The following SOBP variants were observed in gnomAD, a reference collection of about 807,000 sequenced individuals.
The protein encoded by SOBP is sine oculis-binding protein homolog.
SOBP carries 4 observed loss-of-function variants against 53.6 expected under a neutral mutation model. The ratio of observed to expected loss-of-function variants is 0.07; its 90% confidence interval spans 0.04 to 0.17. The LOEUF is 0.17. Among genes scored for constraint, SOBP ranks in the 10% least tolerant of loss-of-function variants. The pLI is 1.00. For missense variants in SOBP, 1,088 were observed against 1,204.7 expected (o/e 0.90, Z 1.43); for synonymous variants, 584 against 522.6 (o/e 1.12, Z -1.60).
At chr6:107,638,791 T>A (rs1771178595) in intron 6 of SOBP, among the ~76,000 whole-genome samples, 1 of 152,138 alleles carries the variant, frequency 6.6e-6, no homozygotes, top group Non-Finnish European at 1.5e-5. Context: ...TTCTCATATA[T>A]ATTCATTATA....
intron 3 of SOBP, among the ~76,000 whole-genome samples, chr6:107,528,292 C>T (rs1414632752): frequency 6.6e-6 from 1 of 152,100 alleles, no homozygotes; most frequent in Non-Finnish European, 1.5e-5. Flanking sequence ...TTTTTTGAAG[C>T]TAGGATATTC....
At chr6:107,596,880 G>A (rs1425008279) in intron 5 of SOBP, among the ~76,000 whole-genome samples, 2 of 152,148 alleles carry the variant, frequency 1.3e-5, no homozygotes, top group African/African-American at 4.8e-5. Context: ...ACCTACAGAA[G>A]AGACAAAGTA....
chr6:107,532,255 A>ACACACACACACACACACAC (rs1783848333), intron 3 of SOBP, among the ~76,000 whole-genome samples: 1 of 150,690 alleles, frequency 6.6e-6, no homozygotes, highest in East Asian at 1.9e-4. Flanking sequence ...ACACACACAC[A>ACACACACACACACACACAC]CACACACACA....
chr6:107,577,691 G>A (rs1562627961), intron 4 of SOBP, among the ~76,000 whole-genome samples: 1 of 152,206 alleles, frequency 6.6e-6, no homozygotes. Flanking sequence ...AGAACTGAGT[G>A]AGTTTGGTAG....
At chr6:107,645,981 C>G (rs1184961600) in intron 6 of SOBP, among the ~76,000 whole-genome samples, 4 of 152,192 alleles carry the variant, frequency 2.6e-5, no homozygotes, top group South Asian at 2.1e-4. Flanking sequence ...GGTGGTAGAA[C>G]AGGAGTTTGG....
chr6:107,615,173 G>A (rs1786740811), intron 5 of SOBP, among the ~76,000 whole-genome samples: 1 of 152,198 alleles, frequency 6.6e-6, no homozygotes, highest in Admixed American at 6.5e-5. Flanking sequence ...ACATTAGTGA[G>A]GTTTGAGGAT....
chr6:107,612,287 G>C (rs751383319), intron 5 of SOBP, among the ~76,000 whole-genome samples: 1 of 152,202 alleles, frequency 6.6e-6, no homozygotes, highest in Non-Finnish European at 1.5e-5. Flanking sequence ...ATAGCTTCAG[G>C]TCAGTCTGAG....
At chr6:107,555,318 C>A (rs1784577885) in intron 4 of SOBP, among the ~76,000 whole-genome samples, 1 of 152,118 alleles carries the variant, frequency 6.6e-6, no homozygotes, top group African/African-American at 2.4e-5. Flanking sequence ...ATAGAAGAGT[C>A]GCCTTAATTC....
intron 5 of SOBP, among the ~76,000 whole-genome samples, chr6:107,617,972 C>T (rs1225907410): frequency 1.3e-5 from 2 of 151,760 alleles, no homozygotes; most frequent in East Asian, 3.9e-4. Flanking sequence ...GGACTACAGG[C>T]ACCCGCCACC....
Position 107,490,708 on chromosome 6 carries a change from T to C in SOBP, c.92T>C (p.Met31Thr). The change falls in exon 1 of 7, where the codon ATG (methionine) becomes ACG (threonine). Residue 31 changes from methionine to threonine, a missense_variant. Coordinates refer to ENST00000317357, the MANE Select transcript of SOBP (RefSeq NM_018013.4). ...HPVKREINEE[M>T]KNFAENTMNE... ...GTGAAAAGGGAGATCAATGAGGAGA[T>C]GAAGGTATTTTTTGATCTCGGGGGC... 6.3e-7 allele frequency: 1 copy of C among 1,594,636 alleles called. No homozygotes were observed. Among genetic ancestry groups the C allele is most frequent in the Non-Finnish European group, 8.6e-7 (1 of 1,167,814 alleles).
At position 107,660,892 on chromosome 6, in the gene SOBP, C is replaced by T. The variant is rs1381942773; in HGVS notation, c.*2689C>T. 2.6e-5 allele frequency among the ~76,000 whole-genome samples: 4 copies of T among 152,216 alleles called. No homozygotes were observed. The highest frequency in any genetic ancestry group is 5.9e-5 in the Non-Finnish European group (4 of 68,042). ...TGATCATCCTGTGGATTCCGGAGAC[C>T]TGATTTTCTTCTCCCATGGAGCCCG... On this transcript the variant is annotated 3_prime_UTR_variant, in exon 7 of 7. Transcript: ENST00000317357.
At chr6:107,502,735 A>AT in intron 1 of SOBP, among the ~76,000 whole-genome samples, 1 of 152,358 alleles carries the variant, frequency 6.6e-6, no homozygotes, top group South Asian at 2.1e-4. Flanking sequence ...AATGAAATTT[A>AT]TAAAAAAAAC....
At chr6:107,643,630 A>G (rs1045512206) in intron 6 of SOBP, among the ~76,000 whole-genome samples, 4 of 152,092 alleles carry the variant, frequency 2.6e-5, no homozygotes, top group African/African-American at 9.7e-5. Flanking sequence ...CCTGTTGGCT[A>G]GGATGGTCTC....
Position 107,490,613 on chromosome 6 carries a change from A to T in SOBP, c.-4A>T. 1 of 1,600,198 alleles carries T rather than the reference A, an allele frequency of 6.2e-7. No individual in the cohort carries two copies. The highest frequency in any genetic ancestry group is 1.1e-5 in the South Asian group (1 of 89,204). ...TCATCTCCACAGAAACCAGACACAA[A>T]AACATGGCAGAAATGGAGAAAGAAG... On this transcript the variant is annotated 5_prime_UTR_variant, in exon 1 of 7. Coordinates refer to ENST00000317357, the MANE Select transcript of SOBP (RefSeq NM_018013.4).
chr6:107,536,327 T>A (rs965028979), intron 4 of SOBP, among the ~76,000 whole-genome samples: 1 of 152,198 alleles, frequency 6.6e-6, no homozygotes, highest in Non-Finnish European at 1.5e-5. Flanking sequence ...ACCTCTGTTT[T>A]GTGTCTGAGC....
chr6:107,535,448 T>G (rs566761183), intron 4 of SOBP, among the ~76,000 whole-genome samples: 1 of 152,210 alleles, frequency 6.6e-6, no homozygotes, highest in Non-Finnish European at 1.5e-5. Context: ...TATTGGGATA[T>G]GTCTTTGAAC....
At chr6:107,568,839 T>A (rs770203938) in intron 4 of SOBP, among the ~76,000 whole-genome samples, 8 of 152,248 alleles carry the variant, frequency 5.3e-5, no homozygotes, top group African/African-American at 9.6e-5. Context: ...CTCAGCAGGC[T>A]GAAACAGACT....
At chr6:107,627,167 A>G (rs892619402) in intron 5 of SOBP, among the ~76,000 whole-genome samples, 2 of 152,216 alleles carry the variant, frequency 1.3e-5, no homozygotes, top group African/African-American at 4.8e-5. Context: ...GTCATGGTAT[A>G]TTAATACTCT....
At chr6:107,526,954 A>G (rs1783682557) in intron 3 of SOBP, among the ~76,000 whole-genome samples, 2 of 152,256 alleles carry the variant, frequency 1.3e-5, no homozygotes, top group Admixed American at 1.3e-4. Context: ...TATTTATACA[A>G]AAGAAAATTA....
Sources: allele counts gnomAD v4.1 joint callset (sites outside exome capture counted in the v4.1 genomes callset), GRCh38; gene constraint gnomAD v4.1.1; transcripts MANE v1.5; gene names NCBI Gene and HGNC (gene_info 2026-07-23, HGNC 2026-07-21).